The following MEIKIN variants were observed in gnomAD, a reference collection of about 807,000 sequenced individuals.
MEIKIN encodes the protein meiotic kinetochore factor.
At chr5:131,850,587 C>T (rs781612274) in intron 11 of MEIKIN, among the ~76,000 whole-genome samples, 1 of 152,084 alleles carries the variant, frequency 6.6e-6, no homozygotes, top group Non-Finnish European at 1.5e-5. Context: ...AGGATGATCT[C>T]TTCAACAAAT....
intron 8 of MEIKIN, among the ~76,000 whole-genome samples, chr5:131,884,940 C>T (rs567652146): frequency 2.0e-5 from 3 of 151,938 alleles, no homozygotes; most frequent in Admixed American, 1.3e-4. Context: ...TGAGGCTCCT[C>T]TGCCTGTGGA....
At chr5:131,835,386 T>C (rs1749788588) in intron 11 of MEIKIN, among the ~76,000 whole-genome samples, 1 of 152,180 alleles carries the variant, frequency 6.6e-6, no homozygotes, top group Admixed American at 6.5e-5. Context: ...AGAATGTTTA[T>C]ATTTGCTTTT....
At chr5:131,892,727 T>C (rs1750951726) in intron 8 of MEIKIN, among the ~76,000 whole-genome samples, 2 of 152,250 alleles carry the variant, frequency 1.3e-5, no homozygotes, top group South Asian at 2.1e-4. Flanking sequence ...TCAAAGTCAT[T>C]GTCCGTCCAG....
rs368648333 is a variant in MEIKIN, at chr5:131,894,375, A to G, written c.704-15327T>C. On this transcript the variant is annotated intron_variant, in intron 8 of 12. Coordinates refer to ENST00000442687, the MANE Select transcript of MEIKIN (RefSeq NM_001303622.2). ...TCTTTTGGCTTAGGATTGACTTGGC[A>G]ATGCAGGCTCTTTTTTGGTTCCATA... Among the ~76,000 whole-genome samples, 20 of 152,142 alleles carry G rather than the reference A, an allele frequency of 1.3e-4. 1 individual carries two copies. The highest frequency in any genetic ancestry group is 9.6e-4 in the East Asian group (5 of 5,194).
At chr5:131,856,244 A>G (rs1750191102) in intron 9 of MEIKIN, among the ~76,000 whole-genome samples, 1 of 152,196 alleles carries the variant, frequency 6.6e-6, no homozygotes, top group Non-Finnish European at 1.5e-5. Context: ...GTTACAAATA[A>G]TATATGTAAA....
At chr5:131,839,346 G>A (rs940854685) in intron 11 of MEIKIN, among the ~76,000 whole-genome samples, 2 of 152,086 alleles carry the variant, frequency 1.3e-5, no homozygotes, top group East Asian at 1.9e-4. Context: ...GGGGTGGAGT[G>A]TTCTGTAGAT....
At chr5:131,893,813 C>CAA (rs1325224649) in intron 8 of MEIKIN, among the ~76,000 whole-genome samples, 5 of 152,166 alleles carry the variant, frequency 3.3e-5, no homozygotes, top group Non-Finnish European at 4.4e-5. Context: ...AAAATTTTCT[C>CAA]CCATTCTGTA....
Position 131,836,074 on chromosome 5 carries a change from C to T in MEIKIN, c.975+15190G>A, listed in dbSNP as rs1580865472. On this transcript the variant is annotated intron_variant, in intron 11 of 12. Coordinates refer to ENST00000442687, the MANE Select transcript of MEIKIN (RefSeq NM_001303622.2). ...CCACTCTCCACCCTTTAAAAGGCCC[C>T]TGTGTTGTTCCCCTGTATATGTCCA... 3.3e-5 allele frequency among the ~76,000 whole-genome samples: 5 copies of T among 152,192 alleles called. No individual in the cohort carries two copies. The South Asian group carries it at 1.0e-3, about 32-fold the overall frequency.
chr5:131,897,000 T>C (rs1751064742), intron 8 of MEIKIN, among the ~76,000 whole-genome samples: 1 of 152,168 alleles, frequency 6.6e-6, no homozygotes, highest in Non-Finnish European at 1.5e-5. Context: ...CAATCTGGCA[T>C]GTTTTTGCAG....
At chr5:131,925,735 C>G (rs973326360) in intron 5 of MEIKIN, among the ~76,000 whole-genome samples, 1 of 151,992 alleles carries the variant, frequency 6.6e-6, no homozygotes, top group Non-Finnish European at 1.5e-5. Flanking sequence ...GTGGCATGAT[C>G]CCGGCCCACT....
rs549854159 is a variant in MEIKIN, at chr5:131,856,574, G to T, written c.775-1740C>A. On this transcript the variant is annotated intron_variant, in intron 9 of 12. Transcript: ENST00000442687. ...GAGCTTCTGTCAGATCTGCACTGAA[G>T]ACTGGGGCTATCCCTGCATAATCCT... 7.2e-5 allele frequency among the ~76,000 whole-genome samples: 11 copies of T among 152,292 alleles called. No homozygotes were observed. The South Asian group carries it at 2.3e-3, about 32-fold the overall frequency.
At chr5:131,923,003 TG>T (rs1751530788) in intron 5 of MEIKIN, among the ~76,000 whole-genome samples, 1 of 152,164 alleles carries the variant, frequency 6.6e-6, no homozygotes, top group African/African-American at 2.4e-5. Flanking sequence ...GTGATTCTCC[TG>T]CCTCAGACTC....
chr5:131,912,945 T>TTGAGTC, intron 7 of MEIKIN, among the ~76,000 whole-genome samples: 1 of 152,184 alleles, frequency 6.6e-6, no homozygotes, highest in African/African-American at 2.4e-5. Flanking sequence ...GAAACTACAC[T>TTGAGTC]TTGGGTTCCT....
chr5:131,916,013 T>A (rs1751410777), intron 7 of MEIKIN, among the ~76,000 whole-genome samples: 1 of 152,150 alleles, frequency 6.6e-6, no homozygotes, highest in Non-Finnish European at 1.5e-5. Flanking sequence ...TAAAACCCCG[T>A]CTCCATTAGC....
At chr5:131,897,268 G>A (rs1257861078) in intron 8 of MEIKIN, among the ~76,000 whole-genome samples, 1 of 152,210 alleles carries the variant, frequency 6.6e-6, no homozygotes, top group Non-Finnish European at 1.5e-5. Context: ...AGTCTGACGG[G>A]CTTCCCTTTG....
intron 11 of MEIKIN, among the ~76,000 whole-genome samples, chr5:131,846,857 T>A: frequency 7.1e-6 from 1 of 141,634 alleles, no homozygotes; most frequent in East Asian, 2.0e-4. Flanking sequence ...GCACATGATG[T>A]ATAAAAATGT....
At chr5:131,885,065 T>G (rs1026119778) in intron 8 of MEIKIN, among the ~76,000 whole-genome samples, 23 of 152,144 alleles carry the variant, frequency 1.5e-4, no homozygotes, top group African/African-American at 7.2e-5. Flanking sequence ...TCCTGGCTCA[T>G]GGACAGCCAC....
chr5:131,827,037 T>C (rs1749628200), intron 11 of MEIKIN, among the ~76,000 whole-genome samples: 1 of 152,194 alleles, frequency 6.6e-6, no homozygotes, highest in South Asian at 2.1e-4. Context: ...TTGCCCAGGT[T>C]AGAATGACAC....
intron 8 of MEIKIN, among the ~76,000 whole-genome samples, chr5:131,885,029 A>T (rs1378779585): frequency 3.9e-5 from 6 of 152,166 alleles, no homozygotes; most frequent in Admixed American, 3.9e-4. Flanking sequence ...AAAACCAAGT[A>T]AACTGCTAAG....
Sources: allele counts gnomAD v4.1 joint callset (sites outside exome capture counted in the v4.1 genomes callset), GRCh38; gene constraint gnomAD v4.1.1; transcripts MANE v1.5; gene names NCBI Gene and HGNC (gene_info 2026-07-23, HGNC 2026-07-21).